Variants in PRKAG2 observed in about 807,000 individuals in gnomAD.
The protein encoded by PRKAG2 is 5'-AMP-activated protein kinase subunit gamma-2.
PRKAG2 carries 26 observed loss-of-function variants against 69.6 expected under a neutral mutation model. That is an observed-to-expected ratio of 0.37 (90% CI 0.27 to 0.52). The LOEUF (loss-of-function observed/expected upper bound fraction) is 0.52, where lower values mean the gene tolerates loss of function less well. PRKAG2 is among the 20% of genes least tolerant of loss of function. The pLI, the probability that PRKAG2 is intolerant of heterozygous loss-of-function variation, is 0.90. For missense variants in PRKAG2, 557 were observed against 740.0 expected (o/e 0.75, Z 2.87); for synonymous variants, 293 against 285.0 (o/e 1.03, Z -0.28).
chr7:151,722,136 T>C (rs776163670), intron 3 of PRKAG2, among the ~76,000 whole-genome samples: 1 of 152,170 alleles, frequency 6.6e-6, no homozygotes, highest in Non-Finnish European at 1.5e-5. Context: ...CTGTAACCCG[T>C]ATTTCTCATT....
intron 3 of PRKAG2, among the ~76,000 whole-genome samples, chr7:151,727,245 C>T (rs1379783384): frequency 6.6e-6 from 1 of 152,016 alleles, no homozygotes; most frequent in Non-Finnish European, 1.5e-5. Flanking sequence ...AAAACAAAAC[C>T]GATACTCAAT....
At chr7:151,703,041 G>C (rs1837987530) in intron 3 of PRKAG2, among the ~76,000 whole-genome samples, 1 of 152,156 alleles carries the variant, frequency 6.6e-6, no homozygotes, top group Non-Finnish European at 1.5e-5. Context: ...TCTATGCTGG[G>C]CTCCCTAACC....
intron 4 of PRKAG2, among the ~76,000 whole-genome samples, chr7:151,635,762 A>G (rs1825624042): frequency 6.6e-6 from 1 of 152,206 alleles, no homozygotes. Flanking sequence ...ACTGTTCTAC[A>G]TCTTGACTGT....
intron 3 of PRKAG2, among the ~76,000 whole-genome samples, chr7:151,778,965 A>C (rs989053293): frequency 7.1e-4 from 107 of 151,538 alleles, no homozygotes; most frequent in African/African-American, 2.4e-3. Flanking sequence ...ACAAATCCAA[A>C]ACACACACAC....
At chr7:151,729,132 G>C (rs1453950778) in intron 3 of PRKAG2, among the ~76,000 whole-genome samples, 1 of 149,364 alleles carries the variant, frequency 6.7e-6, no homozygotes, top group Non-Finnish European at 1.5e-5. Context: ...GATGGGTTAT[G>C]AGCTTTTCCA....
Position 151,771,038 on chromosome 7 carries a change from G to C in PRKAG2, c.466+10114C>G, listed in dbSNP as rs549718579. 3.9e-5 allele frequency among the ~76,000 whole-genome samples: 6 copies of C among 152,272 alleles called. No homozygotes were observed. Among genetic ancestry groups the C allele is most frequent in the African/African-American group, 1.4e-4 (6 of 41,554 alleles). On this transcript the variant is annotated intron_variant, in intron 3 of 15. Coordinates refer to ENST00000287878, the MANE Select transcript of PRKAG2 (RefSeq NM_016203.4). This position sits in a 1 kb window ranked among gnomAD's most constrained non-coding sequence, Gnocchi z 4.0. ...CATTGCAGAAATTATGCCAAAGCAT[G>C]ATCAAATTATCTGCCCACAATGTAT...
At chr7:151,592,954 G>A (rs554138580) in intron 6 of PRKAG2, among the ~76,000 whole-genome samples, 9 of 152,158 alleles carry the variant, frequency 5.9e-5, no homozygotes, top group Non-Finnish European at 1.2e-4. Context: ...CCATGGTAAT[G>A]CATCTCAGCT....
intron 1 of PRKAG2, among the ~76,000 whole-genome samples, chr7:151,873,445 A>G (rs1307511320): frequency 2.0e-5 from 3 of 152,230 alleles, no homozygotes; most frequent in Non-Finnish European, 2.9e-5. Flanking sequence ...CAGCGAGGTT[A>G]TAACTGCCAC....
intron 1 of PRKAG2, among the ~76,000 whole-genome samples, chr7:151,871,579 G>A (rs2080220726): frequency 6.6e-6 from 1 of 152,146 alleles, no homozygotes; most frequent in Non-Finnish European, 1.5e-5. Context: ...TAGGTCCAAG[G>A]GCCACGTTCC....
chr7:151,795,918 T>C (rs930756629), intron 1 of PRKAG2, among the ~76,000 whole-genome samples: 2 of 143,120 alleles, frequency 1.4e-5, no homozygotes, highest in African/African-American at 5.1e-5. Context: ...GTAATCATGT[T>C]ATATACATTA....
intron 1 of PRKAG2, among the ~76,000 whole-genome samples, chr7:151,820,604 CCG>C (rs2078746735): frequency 2.4e-5 from 1 of 41,226 alleles, no homozygotes; most frequent in African/African-American, 7.3e-5. Context: ...GAACACCGCT[CCG>C]TGGCCTGGCC....
At chr7:151,686,060 G>C (rs1017914524) in intron 3 of PRKAG2, among the ~76,000 whole-genome samples, 2 of 152,066 alleles carry the variant, frequency 1.3e-5, no homozygotes, top group African/African-American at 4.8e-5. Context: ...AGTCTAACCC[G>C]ACATGCTGAG....
intron 3 of PRKAG2, among the ~76,000 whole-genome samples, chr7:151,681,119 AG>A (rs1833828094): frequency 6.6e-6 from 1 of 152,188 alleles, no homozygotes; most frequent in African/African-American, 2.4e-5. Flanking sequence ...GTCCCCTTGC[AG>A]GCCACCCCCG....
chr7:151,763,654 C>T (rs187792918), intron 3 of PRKAG2, among the ~76,000 whole-genome samples: 1 of 152,234 alleles, frequency 6.6e-6, no homozygotes, highest in African/African-American at 2.4e-5. Context: ...CAGGGCTGAT[C>T]GTCCCCTCTC....
chr7:151,731,340 G>T (rs751697775), intron 3 of PRKAG2, among the ~76,000 whole-genome samples: 1 of 152,254 alleles, frequency 6.6e-6, no homozygotes, highest in East Asian at 1.9e-4. Flanking sequence ...CAGCCAGAGA[G>T]GGGTAAGGGC....
At chr7:151,833,460 TG>T (rs2079082682) in intron 1 of PRKAG2, among the ~76,000 whole-genome samples, 1 of 152,144 alleles carries the variant, frequency 6.6e-6, no homozygotes, top group South Asian at 2.1e-4. Flanking sequence ...GGGAGGGCCC[TG>T]GGGAAGTCTG....
chr7:151,602,589 A>G (rs966590824), intron 5 of PRKAG2, among the ~76,000 whole-genome samples: 14 of 152,242 alleles, frequency 9.2e-5, no homozygotes, highest in African/African-American at 3.1e-4. Context: ...TATATGTTCC[A>G]GATTTACAAA....
At chr7:151,740,436 C>T (rs1447815405) in intron 3 of PRKAG2, among the ~76,000 whole-genome samples, 1 of 138,038 alleles carries the variant, frequency 7.2e-6, no homozygotes, top group Non-Finnish European at 1.6e-5. Flanking sequence ...CGAGTTACTG[C>T]ACCAGTCCTA....
At chr7:151,709,516 ACT>A (rs1322090607) in intron 3 of PRKAG2, among the ~76,000 whole-genome samples, 2 of 152,140 alleles carry the variant, frequency 1.3e-5, no homozygotes, top group African/African-American at 4.8e-5. Context: ...TGAGATTGAC[ACT>A]GAGTGACCTG....
Sources: allele counts gnomAD v4.1 joint callset (sites outside exome capture counted in the v4.1 genomes callset), GRCh38; gene constraint gnomAD v4.1.1; non-coding constraint Gnocchi (gnomAD v3.1); transcripts MANE v1.5; gene names NCBI Gene and HGNC (gene_info 2026-07-23, HGNC 2026-07-21).